Variants in KIF16B observed in about 807,000 individuals in gnomAD.
KIF16B encodes kinesin family member 16B, also known as kinesin-like protein KIF16B.
A neutral mutation model predicts 156.3 loss-of-function variants in KIF16B; 98 were observed. The ratio of observed to expected loss-of-function variants is 0.63; its 90% CI spans 0.53 to 0.74. The LOEUF is 0.74. KIF16B is among the 30% of genes least tolerant of loss of function. The probability of loss-of-function intolerance (pLI) is 0.00; values close to 1 mark genes in which losing one functional copy is unlikely to be tolerated. For missense variants in KIF16B, 1,421 were observed against 1,606.5 expected (o/e 0.88, Z 1.97); for synonymous variants, 564 against 583.7 (o/e 0.97, Z 0.49).
chr20:16,567,726 G>A (rs2071306649), intron 1 of KIF16B, among the ~76,000 whole-genome samples: 4 of 152,264 alleles, frequency 2.6e-5, no homozygotes, highest in South Asian at 2.1e-4. Context: ...TGAGGCGGGC[G>A]GATCATGAGG....
intron 23 of KIF16B, among the ~76,000 whole-genome samples, chr20:16,354,108 G>A (rs1021818081): frequency 9.2e-5 from 14 of 152,198 alleles, no homozygotes; most frequent in Non-Finnish European, 1.9e-4. Context: ...TGCATGGGCA[G>A]TAGCATCTTC....
At chr20:16,333,312 C>T (rs1341414178) in intron 24 of KIF16B, among the ~76,000 whole-genome samples, 3 of 152,160 alleles carry the variant, frequency 2.0e-5, no homozygotes, top group Admixed American at 1.3e-4. Flanking sequence ...TCTGCCCCAC[C>T]TAAAGTAGTC....
At chr20:16,560,828 G>A (rs569362322) in intron 1 of KIF16B, among the ~76,000 whole-genome samples, 4 of 152,104 alleles carry the variant, frequency 2.6e-5, no homozygotes, top group South Asian at 2.1e-4. Context: ...AAGAGGAAAC[G>A]GAATTGGCAG....
At chr20:16,564,383 C>T (rs56055024) in intron 1 of KIF16B, among the ~76,000 whole-genome samples, 7,926 of 152,132 alleles carry the variant, frequency 0.052, 256 homozygotes, top group Admixed American at 0.085. Flanking sequence ...TGAATAGTGC[C>T]GCAATAAACA....
At chr20:16,491,797 T>G (rs1054827143) in intron 12 of KIF16B, among the ~76,000 whole-genome samples, 13 of 152,232 alleles carry the variant, frequency 8.5e-5, no homozygotes, top group African/African-American at 2.9e-4. Flanking sequence ...CCACAGTCTT[T>G]CACTTCCCCT....
At chr20:16,429,133 C>T (rs1418851489) in intron 13 of KIF16B, 129 bp from the exon 14 acceptor site, 1 of 776,530 alleles carries the variant, frequency 1.3e-6, no homozygotes, top group Non-Finnish European at 2.3e-6. Context: ...GCCACAGCTT[C>T]AATGCATCGA....
At chr20:16,403,137 T>C (rs949687692) in intron 17 of KIF16B, among the ~76,000 whole-genome samples, 5 of 152,154 alleles carry the variant, frequency 3.3e-5, no homozygotes, top group African/African-American at 1.2e-4. Context: ...ATAATAACGA[T>C]AGTACCTGGA....
chr20:16,472,287 C>T (rs765981930), intron 12 of KIF16B, among the ~76,000 whole-genome samples: 87 of 152,202 alleles, frequency 5.7e-4, no homozygotes, highest in Admixed American at 4.2e-3. Flanking sequence ...TCTGCCAATC[C>T]CTCTTGTAGG....
chr20:16,274,742 G>A (rs1408468171), intron 25 of KIF16B, among the ~76,000 whole-genome samples: 1 of 152,182 alleles, frequency 6.6e-6, no homozygotes, highest in Non-Finnish European at 1.5e-5. Context: ...TCACATAGGG[G>A]TGCACAGGCA....
chr20:16,559,066 TG>T (rs1016454948), intron 1 of KIF16B, among the ~76,000 whole-genome samples: 2 of 152,174 alleles, frequency 1.3e-5, no homozygotes, highest in Admixed American at 1.3e-4. Context: ...ATTCCAGGTC[TG>T]CCTGGTCCCT....
chr20:16,407,269 G>C (rs1253253174), intron 15 of KIF16B, among the ~76,000 whole-genome samples: 1 of 152,172 alleles, frequency 6.6e-6, no homozygotes, highest in East Asian at 1.9e-4. Flanking sequence ...GCATGTAAGA[G>C]AAAAGATGTT....
intron 12 of KIF16B, among the ~76,000 whole-genome samples, chr20:16,456,761 C>T (rs1000913540): frequency 1.3e-5 from 2 of 152,104 alleles, no homozygotes; most frequent in African/African-American, 2.4e-5. Flanking sequence ...GGATTCTGTG[C>T]CTGTGTTTTT....
intron 1 of KIF16B, among the ~76,000 whole-genome samples, chr20:16,567,740 G>A (rs2071307480): frequency 6.6e-6 from 1 of 152,064 alleles, no homozygotes; most frequent in Admixed American, 6.5e-5. Flanking sequence ...CATGAGGTCG[G>A]GAGATCAAGA....
rs150585942 is a variant in KIF16B at position 16,451,710 on chromosome 20, C to T, written c.1303-21728G>A. Among the ~76,000 whole-genome samples the T allele has an allele frequency of 2.5e-3, 386 of 152,198 alleles. 2 individuals carry two copies. The highest frequency in any genetic ancestry group is 8.6e-3 in the African/African-American group (357 of 41,534). On this transcript the variant is annotated intron_variant, in intron 12 of 25. Transcript: ENST00000354981. ...TTCATGTCACCCTATCCAGTGCTGT[C>T]GAAGATTATATATCCAATACACGCT...
intron 17 of KIF16B, among the ~76,000 whole-genome samples, chr20:16,403,685 C>T (rs1433325975): frequency 6.6e-6 from 1 of 152,196 alleles, no homozygotes; most frequent in African/African-American, 2.4e-5. Context: ...TGGGCTTCAG[C>T]TTGCTGGCCC....
intron 12 of KIF16B, among the ~76,000 whole-genome samples, chr20:16,444,437 C>A (rs2066880783): frequency 6.6e-6 from 1 of 151,826 alleles, no homozygotes; most frequent in Admixed American, 6.6e-5. Context: ...ATTCCAATTT[C>A]AATGCCCATA....
chr20:16,376,242 G>T (rs2064948280), intron 19 of KIF16B, among the ~76,000 whole-genome samples: 1 of 152,186 alleles, frequency 6.6e-6, no homozygotes, highest in Admixed American at 6.5e-5. Flanking sequence ...TGTTATCCCT[G>T]CTATGGTGAT....
intron 24 of KIF16B, among the ~76,000 whole-genome samples, chr20:16,321,799 T>C (rs898703252): frequency 2.6e-5 from 4 of 152,064 alleles, no homozygotes; most frequent in African/African-American, 9.7e-5. Flanking sequence ...AAATGCAGTA[T>C]TCATGAGAAA....
chr20:16,476,211 A>G (rs560043626), intron 12 of KIF16B, among the ~76,000 whole-genome samples: 1 of 152,270 alleles, frequency 6.6e-6, no homozygotes, highest in South Asian at 2.1e-4. Context: ...TCCCATTACT[A>G]TTGTATTTAA....
Sources: allele counts gnomAD v4.1 joint callset (sites outside exome capture counted in the v4.1 genomes callset), GRCh38; gene constraint gnomAD v4.1.1; transcripts MANE v1.5; gene names NCBI Gene and HGNC (gene_info 2026-07-23, HGNC 2026-07-21).